DMD: variants seen among roughly 807,000 people sequenced by gnomAD.
DMD encodes the protein mutant dystrophin.
In DMD, 63 loss-of-function variants were observed where a neutral mutation model predicts 330.1. That is an observed-to-expected ratio of 0.19 (90% confidence interval 0.16 to 0.24). The LOEUF is 0.24. DMD is among the 10% of genes least tolerant of loss of function. The pLI, the probability that DMD is intolerant of heterozygous loss-of-function variation, is 1.00. For missense variants in DMD, 3,344 were observed against 2,684.1 expected (o/e 1.25, Z -5.43); for synonymous variants, 1,223 against 959.8 (o/e 1.27, Z -5.07).
intron 7 of DMD, among the ~76,000 whole-genome samples, chrX:32,801,244 G>A (rs1279784411): frequency 9.0e-6 from 1 of 111,618 alleles, no homozygotes; most frequent in Non-Finnish European, 1.9e-5. Flanking sequence ...GTATCTCATT[G>A]TGGTTTTGAT....
rs1216000876 is a variant in DMD at position 32,386,324 on chromosome X, C to G, written c.4660G>C (p.Glu1554Gln). Reference protein sequence around the residue: ...RVTALKLHYNELGAKVTERKQ... With the variant: ...RVTALKLHYNQLGAKVTERKQ... ...CATGCACACACCTTTGCTCCCAGCT[C>G]ATTATAATGCAATTTCAAAGCTGTT... Residue 1554 changes from glutamate to glutamine, a missense_variant, in exon 33 of 79, where the codon GAG becomes CAG. By Grantham distance (29) the Glu-to-Gln change is conservative. Coordinates refer to ENST00000357033, the MANE Select transcript of DMD (RefSeq NM_004006.3). The G allele has an allele frequency of 8.3e-7, 1 of 1,208,812 alleles. No homozygotes were observed. Among genetic ancestry groups the G allele is most frequent in the East Asian group, 3.0e-5 (1 of 33,742 alleles).
chrX:31,761,714 A>T (rs2089606057), intron 51 of DMD, among the ~76,000 whole-genome samples: 1 of 112,479 alleles, frequency 8.9e-6, no homozygotes. Flanking sequence ...ACATAAAAAT[A>T]TTCAGAGGCA....
intron 44 of DMD, among the ~76,000 whole-genome samples, chrX:32,180,926 T>G (rs1176040109): frequency 9.0e-6 from 1 of 111,337 alleles, no homozygotes; most frequent in Non-Finnish European, 1.9e-5. Flanking sequence ...GGGATTACAA[T>G]TCAAAATGAG....
intron 1 of DMD, among the ~76,000 whole-genome samples, chrX:33,179,391 G>T (rs1262386029): frequency 9.0e-6 from 1 of 111,331 alleles, no homozygotes; most frequent in Non-Finnish European, 1.9e-5. Flanking sequence ...TTGTTTTTAT[G>T]CCTAATTTAG....
At chrX:32,831,880 T>A (rs979353809) in intron 4 of DMD, among the ~76,000 whole-genome samples, 2 of 111,152 alleles carry the variant, frequency 1.8e-5, no homozygotes, top group African/African-American at 6.5e-5. Context: ...TTATATCTCA[T>A]TCACAGGGGA....
intron 55 of DMD, among the ~76,000 whole-genome samples, chrX:31,584,529 A>T (rs1411080795): frequency 1.8e-5 from 2 of 111,856 alleles, no homozygotes; most frequent in Non-Finnish European, 3.8e-5. Context: ...TCACTGCAGC[A>T]CTATTCACAA....
intron 1 of DMD, among the ~76,000 whole-genome samples, chrX:33,047,115 C>T (rs747837651): frequency 1.8e-5 from 2 of 111,703 alleles, no homozygotes; most frequent in East Asian, 5.7e-4. Context: ...GGTTAAGTAA[C>T]TGCCCAAGTT....
intron 4 of DMD, among the ~76,000 whole-genome samples, chrX:32,837,605 A>G (rs1357896300): frequency 8.9e-6 from 1 of 111,782 alleles, no homozygotes; most frequent in East Asian, 2.8e-4. Context: ...CCACGTTTCT[A>G]TAAATATTCC....
At chrX:32,450,240 G>C (rs945539995) in intron 26 of DMD, among the ~76,000 whole-genome samples, 1 of 110,634 alleles carries the variant, frequency 9.0e-6, no homozygotes, top group Non-Finnish European at 1.9e-5. Flanking sequence ...ATATGGATAA[G>C]GTCAGCTATA....
intron 1 of DMD, among the ~76,000 whole-genome samples, chrX:33,147,456 A>C (rs2048089247): frequency 8.9e-6 from 1 of 112,369 alleles, no homozygotes; most frequent in Non-Finnish European, 1.9e-5. Context: ...TGATATTTAT[A>C]ATTATGATTT....
chrX:32,501,870 T>C, intron 18 of DMD, 28 bp from the exon 19 acceptor site: 1 of 1,079,120 alleles, frequency 9.3e-7, no homozygotes, highest in Non-Finnish European at 1.3e-6. Flanking sequence ...AGATGAGTAA[T>C]TCAATACAAG....
intron 9 of DMD, among the ~76,000 whole-genome samples, chrX:32,689,758 G>A (rs1282144911): frequency 9.0e-6 from 1 of 110,941 alleles, no homozygotes; most frequent in Non-Finnish European, 1.9e-5. Context: ...AAATCAATTA[G>A]TATGATACAC....
At chrX:32,316,443 T>C (rs1386691802) in intron 41 of DMD, among the ~76,000 whole-genome samples, 1 of 111,490 alleles carries the variant, frequency 9.0e-6, no homozygotes, top group Admixed American at 9.6e-5. Context: ...GTTAATGTTA[T>C]ACTTTAAATA....
rs757057391 is a variant in DMD, at chrX:32,215,814, T to C, written c.6438+1102A>G. ...TTAAAGCAGATTGGGAATCCATACA[T>C]TTCCTCTCTATACAAATGCCAACGC... is the stretch of plus-strand genomic sequence containing the variant. On this transcript the variant is annotated intron_variant, in intron 44 of 78. Coordinates refer to ENST00000357033, the MANE Select transcript of DMD (RefSeq NM_004006.3). Among the ~76,000 whole-genome samples the C allele has an allele frequency of 8.0e-5, 9 of 112,021 alleles. No individual in the cohort carries two copies. The East Asian group carries it at 2.5e-3, about 31-fold the overall frequency.
chrX:32,450,625 A>G (rs1296704173), intron 26 of DMD, among the ~76,000 whole-genome samples: 1 of 110,625 alleles, frequency 9.0e-6, no homozygotes, highest in Non-Finnish European at 1.9e-5. Context: ...TATATTGGAC[A>G]TTAGAAAACT....
intron 55 of DMD, among the ~76,000 whole-genome samples, chrX:31,521,250 C>A (rs1207054083): frequency 9.4e-6 from 1 of 106,674 alleles, no homozygotes; most frequent in Non-Finnish European, 1.9e-5. Context: ...CCTCTGTCCC[C>A]CTCCTGGGTT....
At chrX:32,044,170 A>G (rs753757144) in intron 44 of DMD, among the ~76,000 whole-genome samples, 1 of 111,347 alleles carries the variant, frequency 9.0e-6, no homozygotes, top group African/African-American at 3.3e-5. Flanking sequence ...GAACATGGGT[A>G]TACTTCAATG....
In DMD at chrX:33,025,175, A is replaced by G. The variant is rs188870766; in HGVS notation, c.32-4975T>C. Among the ~76,000 whole-genome samples, 22 of 112,395 alleles carry G rather than the reference A, an allele frequency of 2.0e-4. No homozygotes were observed. In the Admixed American group the frequency reaches 2.0e-3, roughly 10 times the overall value. On this transcript the variant is annotated intron_variant, in intron 1 of 78. Coordinates refer to ENST00000357033, the MANE Select transcript of DMD (RefSeq NM_004006.3). ...TTAGAAAAGATATTTTGGAGAAGGTAATGGGTAGGTTGAGTTCAGAAGGAT... is the reference window on the plus strand; with the variant it reads ...TTAGAAAAGATATTTTGGAGAAGGTGATGGGTAGGTTGAGTTCAGAAGGAT...
intron 1 of DMD, among the ~76,000 whole-genome samples, chrX:33,292,531 C>A (rs1339464778): frequency 9.1e-6 from 1 of 109,997 alleles, no homozygotes; most frequent in Non-Finnish European, 1.9e-5. Flanking sequence ...CGATGGGGTG[C>A]GGATTTCCTA....
Sources: allele counts gnomAD v4.1 joint callset (sites outside exome capture counted in the v4.1 genomes callset), GRCh38; gene constraint gnomAD v4.1.1; transcripts MANE v1.5; gene names NCBI Gene and HGNC (gene_info 2026-07-23, HGNC 2026-07-21).